Variants in LSM14A observed in about 807,000 individuals in gnomAD.
The protein encoded by LSM14A is LSM14A mRNA processing body assembly factor.
A neutral mutation model predicts 52.4 loss-of-function variants in LSM14A; 14 were observed. The ratio of observed to expected loss-of-function variants is 0.27; its 90% CI spans 0.18 to 0.42. The LOEUF (loss-of-function observed/expected upper bound fraction) is 0.42. Among genes scored for constraint, LSM14A ranks in the 10% least tolerant of loss-of-function variants. The pLI, the probability that LSM14A is intolerant of heterozygous loss-of-function variation, is 1.00. For synonymous variants in LSM14A, 185 were observed against 200.3 expected, an observed-to-expected ratio of 0.92 and a Z score of 0.64; for missense variants, 417 against 581.8, an observed-to-expected ratio of 0.72 and a Z score of 2.91.
intron 1 of LSM14A, among the ~76,000 whole-genome samples, chr19:34,181,663 G>A (rs1199978357): frequency 6.6e-6 from 1 of 152,052 alleles, no homozygotes; most frequent in Non-Finnish European, 1.5e-5. Flanking sequence ...CCAAATGTTG[G>A]GAGAGCTCCA....
intron 9 of LSM14A, among the ~76,000 whole-genome samples, chr19:34,223,373 A>G (rs1440062313): frequency 1.3e-5 from 2 of 152,094 alleles, no homozygotes; most frequent in African/African-American, 2.4e-5. Context: ...TAGGTGTGCC[A>G]TGGTGCTTGT....
intron 1 of LSM14A, among the ~76,000 whole-genome samples, chr19:34,180,320 T>G (rs923987716): frequency 3.9e-5 from 6 of 152,310 alleles, no homozygotes; most frequent in Non-Finnish European, 5.9e-5. Context: ...TTGTTTGTTT[T>G]TTTCTGGAAG....
intron 3 of LSM14A, among the ~76,000 whole-genome samples, chr19:34,206,156 C>G (rs2071681615): frequency 2.0e-5 from 3 of 152,172 alleles, no homozygotes; most frequent in African/African-American, 7.2e-5. Context: ...ACTGTTTTTA[C>G]TGTTACATTC....
At chr19:34,185,362 G>T (rs1341029539) in intron 1 of LSM14A, among the ~76,000 whole-genome samples, 1 of 152,164 alleles carries the variant, frequency 6.6e-6, no homozygotes, top group Non-Finnish European at 1.5e-5. Context: ...GTGGGTTCAG[G>T]AAGAGATGGT....
intron 1 of LSM14A, among the ~76,000 whole-genome samples, chr19:34,183,835 T>C (rs1009927867): frequency 6.6e-6 from 1 of 152,104 alleles, no homozygotes; most frequent in Non-Finnish European, 1.5e-5. Flanking sequence ...AAGTTTAACT[T>C]ATTAACTTTT....
intron 3 of LSM14A, among the ~76,000 whole-genome samples, chr19:34,200,006 T>C (rs2071175583): frequency 6.6e-6 from 1 of 152,220 alleles, no homozygotes; most frequent in Admixed American, 6.5e-5. Context: ...CTTCGTTGAG[T>C]GCTCAAGTTT....
intron 1 of LSM14A, among the ~76,000 whole-genome samples, chr19:34,186,144 TG>T (rs1210303544): frequency 1.3e-5 from 2 of 152,188 alleles, no homozygotes; most frequent in African/African-American, 4.8e-5. Flanking sequence ...GTTGCAAAGA[TG>T]ATCTAGATAC....
intron 1 of LSM14A, among the ~76,000 whole-genome samples, chr19:34,176,280 A>G (rs1476198607): frequency 6.6e-6 from 1 of 151,530 alleles, no homozygotes; most frequent in Non-Finnish European, 1.5e-5. Flanking sequence ...TCTCTTTTGA[A>G]CTTTTTTTTT....
intron 1 of LSM14A, 138 bp downstream of exon 1, chr19:34,172,901 C>A (rs1422223617): frequency 2.8e-6 from 3 of 1,076,536 alleles, no homozygotes; most frequent in East Asian, 6.6e-5. Context: ...CTTCTCCGGG[C>A]CCCGGCGTCG....
At chr19:34,188,116 A>G (rs956634748) in intron 1 of LSM14A, among the ~76,000 whole-genome samples, 1 of 151,960 alleles carries the variant, frequency 6.6e-6, no homozygotes, top group Non-Finnish European at 1.5e-5. Context: ...GCGAAATCCT[A>G]TCTCTACAAA....
chr19:34,226,066 A>T (rs540757299), intron 9 of LSM14A, among the ~76,000 whole-genome samples: 7 of 152,104 alleles, frequency 4.6e-5, no homozygotes, highest in Admixed American at 4.6e-4. Context: ...GTCTCAAAAA[A>T]AAAAAAGAAA....
At chr19:34,183,034 C>T (rs1599662902) in intron 1 of LSM14A, among the ~76,000 whole-genome samples, 4 of 152,146 alleles carry the variant, frequency 2.6e-5, no homozygotes, top group African/African-American at 9.6e-5. Flanking sequence ...ATCCTCCACC[C>T]TGCTTTTTCA....
At chr19:34,213,322 C>T (rs761770560) in intron 4 of LSM14A, among the ~76,000 whole-genome samples, 2 of 152,000 alleles carry the variant, frequency 1.3e-5, no homozygotes, top group Non-Finnish European at 2.9e-5. Flanking sequence ...GTGCCTGTGT[C>T]GGTTTCTGGG....
chr19:34,190,975 T>A (rs1446516270), intron 1 of LSM14A, among the ~76,000 whole-genome samples: 3 of 152,146 alleles, frequency 2.0e-5, no homozygotes, highest in African/African-American at 7.2e-5. Context: ...GTTATATCTT[T>A]AATTATATTT....
chr19:34,225,394 G>A (rs1313168706), intron 9 of LSM14A, among the ~76,000 whole-genome samples: 1 of 152,174 alleles, frequency 6.6e-6, no homozygotes, highest in Non-Finnish European at 1.5e-5. Flanking sequence ...TCACATAAAG[G>A]AGATTTACCA....
intron 6 of LSM14A, among the ~76,000 whole-genome samples, chr19:34,217,967 C>G (rs2072776607): frequency 6.8e-6 from 1 of 146,358 alleles, no homozygotes; most frequent in Admixed American, 6.9e-5. Flanking sequence ...GTAGATTTTA[C>G]AGACACAGAC....
chr19:34,194,524 A>G lies in LSM14A; in HGVS notation c.168A>G (p.Pro56=), dbSNP rs2070705722. The change falls in exon 2 of 10, where the codon CCA becomes CCG. Residue 56 remains proline, a synonymous_variant. Transcript: ENST00000544216. ...TEDRPTDRPI[P]PRDEVFEYII... is the part of the protein sequence containing the mutation. ...ACAGACCGACAGATCGTCCAATACC[A>G]CCTCGAGATGAAGTCTTTGAATACA... 5 of 1,614,090 alleles carry G rather than the reference A, an allele frequency of 3.1e-6. No individual in the cohort carries two copies. In the East Asian group the frequency reaches 8.9e-5, roughly 29 times the overall value.
intron 3 of LSM14A, among the ~76,000 whole-genome samples, chr19:34,206,935 G>A (rs2071745339): frequency 6.6e-6 from 1 of 152,134 alleles, no homozygotes; most frequent in African/African-American, 2.4e-5. Context: ...AACTTACCAC[G>A]TTAACAGACC....
chr19:34,172,788 G>C, intron 1 of LSM14A, 25 bp downstream of exon 1: 1 of 1,557,966 alleles, frequency 6.4e-7, no homozygotes, highest in Non-Finnish European at 8.7e-7. Context: ...GCCTCAGGGT[G>C]GGGGCCGAGC....
Sources: gnomAD v4.1 joint callset for allele counts (sites outside exome capture counted in the v4.1 genomes callset) on GRCh38, gnomAD v4.1.1 for gene constraint, MANE v1.5 for transcripts, NCBI Gene and HGNC (gene_info 2026-07-23, HGNC 2026-07-21) for gene names.